CLIP4: variants seen among roughly 807,000 people sequenced by gnomAD.
CLIP4 encodes CAP-Gly domain-containing linker protein 4.
In CLIP4, 47 loss-of-function variants were observed where a neutral mutation model predicts 73.1. The ratio of observed to expected loss-of-function variants is 0.64; its 90% CI spans 0.51 to 0.82. The LOEUF is 0.82. CLIP4 is among the 40% of genes least tolerant of loss of function. The probability of loss-of-function intolerance (pLI) is 0.00; values close to 1 mark genes in which losing one functional copy is unlikely to be tolerated. For synonymous variants in CLIP4, 306 were observed against 295.4 expected (o/e 1.04, Z -0.37); for missense variants, 874 against 852.9 (o/e 1.02, Z -0.31).
In CLIP4 at chr2:29,176,269, G is replaced by T. The variant is rs180686561; in HGVS notation, c.1796+1824G>T. 1.9e-3 allele frequency among the ~76,000 whole-genome samples: 297 copies of T among 152,324 alleles called. 2 individuals are homozygous for T. The highest frequency in any genetic ancestry group is 6.9e-3 in the African/African-American group (286 of 41,564). On this transcript the variant is annotated intron_variant, in intron 15 of 15. Transcript: ENST00000320081. ...GCCAGAGTTGATTGTGTGTTGTGCTGTTGTTAACCTGGAGACATGGTGTGT... is the reference window on the plus strand; with the variant it reads ...GCCAGAGTTGATTGTGTGTTGTGCTTTTGTTAACCTGGAGACATGGTGTGT...
chr2:29,156,228 T>C, intron 9 of CLIP4, 126 bp from the exon 10 acceptor site: 1 of 614,210 alleles, frequency 1.6e-6, no homozygotes, highest in East Asian at 3.1e-5. Flanking sequence ...GTCTGTGCAG[T>C]TGTTATCCAA....
intron 1 of CLIP4, among the ~76,000 whole-genome samples, chr2:29,106,769 T>G (rs1333029714): frequency 2.0e-5 from 3 of 152,216 alleles, no homozygotes; most frequent in African/African-American, 7.2e-5. Context: ...TGCAAACTGT[T>G]GTCCTTGTAA....
At chr2:29,161,755 T>C (rs973262701) in intron 12 of CLIP4, among the ~76,000 whole-genome samples, 6 of 152,192 alleles carry the variant, frequency 3.9e-5, no homozygotes, top group East Asian at 1.9e-4. Flanking sequence ...TTTGAACTTA[T>C]GGTACACATC....
intron 6 of CLIP4, among the ~76,000 whole-genome samples, chr2:29,137,281 T>A (rs1019699360): frequency 6.6e-6 from 1 of 152,156 alleles, no homozygotes; most frequent in Non-Finnish European, 1.5e-5. Flanking sequence ...ACATGCATTA[T>A]TTGGTTTTCT....
intron 2 of CLIP4, among the ~76,000 whole-genome samples, chr2:29,129,495 C>A (rs1572901141): frequency 6.6e-6 from 1 of 151,748 alleles, no homozygotes; most frequent in Non-Finnish European, 1.5e-5. Flanking sequence ...GCTTTCATTT[C>A]CAAATTTTAG....
intron 1 of CLIP4, among the ~76,000 whole-genome samples, chr2:29,099,549 C>T (rs1667980748): frequency 6.6e-6 from 1 of 152,256 alleles, no homozygotes; most frequent in South Asian, 2.1e-4. Flanking sequence ...TTATTAGATT[C>T]CATTGATTTA....
intron 2 of CLIP4, 46 bp downstream of exon 2, chr2:29,121,567 C>T (rs954585956): frequency 2.5e-6 from 4 of 1,599,422 alleles, no homozygotes; most frequent in Admixed American, 3.5e-5. Context: ...GGTAACTTGA[C>T]TTCTCTGTTA....
chr2:29,174,406 C>T lies in CLIP4; in HGVS notation c.1757C>T (p.Ser586Phe), dbSNP rs373862636. The T allele has an allele frequency of 1.2e-5, 20 of 1,612,518 alleles. No individual in the cohort carries two copies. In the African/African-American group the frequency reaches 2.7e-4, roughly 22 times the overall value. ...AGAAGTTTTAGCACAACTTCTGCTT[C>T]TTCCCAAAAGGAGATTAACAGAAGA... ...FRRSFSTTSA[S>F]SQKEINRRNA... The change falls in exon 15 of 16, where the codon TCT becomes TTT. Residue 586 changes from serine to phenylalanine, a missense_variant. Physicochemically the swap from Ser to Phe is radical, Grantham distance 155. Transcript: ENST00000320081.
At chr2:29,100,782 G>T (rs867589606) in intron 1 of CLIP4, among the ~76,000 whole-genome samples, 21 of 152,020 alleles carry the variant, frequency 1.4e-4, no homozygotes, top group Middle Eastern at 3.4e-3. Context: ...AGAGGGAGGG[G>T]CTTAGCACAT....
chr2:29,154,838 G>A (rs114554020), intron 9 of CLIP4, among the ~76,000 whole-genome samples: 1,883 of 152,218 alleles, frequency 0.012, 40 homozygotes, highest in African/African-American at 0.043. Context: ...CTGCGGAAGC[G>A]GAACCCACAT....
intron 2 of CLIP4, among the ~76,000 whole-genome samples, chr2:29,121,769 A>G (rs1378188240): frequency 6.6e-6 from 1 of 152,134 alleles, no homozygotes; most frequent in African/African-American, 2.4e-5. Context: ...GATTTAGAGG[A>G]CTTTATTTTT....
intron 15 of CLIP4, among the ~76,000 whole-genome samples, chr2:29,177,435 G>C (rs1049541764): frequency 6.6e-6 from 1 of 150,732 alleles, no homozygotes; most frequent in African/African-American, 2.4e-5. Context: ...ACAAAAATTA[G>C]CTGGGCATGG....
chr2:29,145,139 T>C, intron 7 of CLIP4, 93 bp from the exon 8 acceptor site: 1 of 1,099,254 alleles, frequency 9.1e-7, no homozygotes, highest in Non-Finnish European at 1.3e-6. Context: ...AGTGAATTTT[T>C]AAAAACTCCC....
chr2:29,166,164 T>C (rs1452751771), intron 13 of CLIP4, among the ~76,000 whole-genome samples: 1 of 152,138 alleles, frequency 6.6e-6, no homozygotes, highest in African/African-American at 2.4e-5. Context: ...GTTTCTAATC[T>C]GAACCAGCTT....
intron 5 of CLIP4, 107 bp from the exon 6 acceptor site, chr2:29,135,439 TAA>T: frequency 1.6e-6 from 1 of 641,552 alleles, no homozygotes. Flanking sequence ...TGGGTTGATT[TAA>T]GTCTTACAAA....
chr2:29,132,268 A>C, intron 4 of CLIP4, 23 bp downstream of exon 4: 1 of 1,569,094 alleles, frequency 6.4e-7, no homozygotes, highest in Non-Finnish European at 8.8e-7. Flanking sequence ...TAAATCTATC[A>C]GTTGCTTATG....
intron 1 of CLIP4, among the ~76,000 whole-genome samples, chr2:29,106,234 G>A (rs1473912412): frequency 2.0e-5 from 3 of 152,136 alleles, no homozygotes; most frequent in Non-Finnish European, 4.4e-5. Context: ...AATAATGGAA[G>A]TACTTAGAAC....
chr2:29,120,613 AAG>A (rs2148461418), intron 1 of CLIP4, among the ~76,000 whole-genome samples: 1 of 152,312 alleles, frequency 6.6e-6, no homozygotes, highest in South Asian at 2.1e-4. Flanking sequence ...TCGGATACAA[AAG>A]AAACTGGAAG....
chr2:29,182,005 T>G lies in CLIP4; in HGVS notation c.*112T>G. ...TTAAAATTTTGAAAATATAGTTATC[T>G]TCTTAAAAACCATTATAACAATTCA... On this transcript the variant is annotated 3_prime_UTR_variant, in exon 16 of 16. Transcript: ENST00000320081. The G allele has an allele frequency of 1.2e-6, 1 of 863,982 alleles. No individual in the cohort carries two copies. The highest frequency in any genetic ancestry group is 1.7e-6 in the Non-Finnish European group (1 of 582,774). 53.5% of individuals were successfully genotyped at this position (863,982 alleles called of 1,614,324 possible).
Sources: gnomAD v4.1 joint callset for allele counts (sites outside exome capture counted in the v4.1 genomes callset) on GRCh38, gnomAD v4.1.1 for gene constraint, MANE v1.5 for transcripts, NCBI Gene and HGNC (gene_info 2026-07-23, HGNC 2026-07-21) for gene names.